AK7: variants seen among roughly 807,000 people sequenced by gnomAD.
AK7 encodes the protein ATP-AMP transphosphorylase 7.
In AK7, 78 loss-of-function variants were observed where a neutral mutation model predicts 96.6. That is an observed-to-expected ratio of 0.81 (90% confidence interval 0.67 to 0.97). The LOEUF is 0.97. AK7 is among the 50% of genes least tolerant of loss of function. The pLI, the probability that AK7 is intolerant of heterozygous loss-of-function variation, is 0.00. For missense variants in AK7, 855 were observed against 887.9 expected, an observed-to-expected ratio of 0.96 and a Z score of 0.47; for synonymous variants, 302 against 317.2, an observed-to-expected ratio of 0.95 and a Z score of 0.51.
intron 15 of AK7, among the ~76,000 whole-genome samples, chr14:96,482,558 G>T (rs888427233): frequency 6.6e-6 from 1 of 152,142 alleles, no homozygotes. Context: ...TCACTGAAAT[G>T]GTTATTTTTT....
chr14:96,445,541 T>C (rs1343213142), intron 7 of AK7, among the ~76,000 whole-genome samples: 1 of 152,082 alleles, frequency 6.6e-6, no homozygotes, highest in African/African-American at 2.4e-5. Flanking sequence ...ATGCCTGCAG[T>C]CCCAGCTACC....
intron 12 of AK7, among the ~76,000 whole-genome samples, chr14:96,467,471 G>C (rs1032832815): frequency 6.6e-6 from 1 of 152,042 alleles, no homozygotes; most frequent in Non-Finnish European, 1.5e-5. Flanking sequence ...GAGTCGCTGG[G>C]ACTACAGGCG....
At chr14:96,438,263 T>C (rs1892759814) in intron 6 of AK7, among the ~76,000 whole-genome samples, 1 of 152,144 alleles carries the variant, frequency 6.6e-6, no homozygotes, top group Non-Finnish European at 1.5e-5. Context: ...GAGAAAGAGA[T>C]AGATAATAAG....
At chr14:96,398,805 T>C (rs531642448) in intron 2 of AK7, 1 of 160,116 alleles carries the variant, frequency 6.2e-6, no homozygotes, top group African/African-American at 2.4e-5. Context: ...CCAGAAACAA[T>C]GCTGTCTCCA....
At chr14:96,485,042 T>A (rs973662436) in intron 16 of AK7, among the ~76,000 whole-genome samples, 6 of 152,176 alleles carry the variant, frequency 3.9e-5, no homozygotes, top group Non-Finnish European at 8.8e-5. Flanking sequence ...CTAGACATGG[T>A]TTGAGTTTTG....
intron 12 of AK7, among the ~76,000 whole-genome samples, chr14:96,462,519 C>G (rs1462974110): frequency 6.6e-6 from 1 of 152,160 alleles, no homozygotes; most frequent in Non-Finnish European, 1.5e-5. Context: ...TGTCCTAACT[C>G]CACTCCCATC....
rs1176427973 is a variant in AK7 at position 96,399,846 on chromosome 14, C to T, written c.294+1583C>T. On this transcript the variant is annotated intron_variant, in intron 2 of 17. Coordinates refer to ENST00000267584, the MANE Select transcript of AK7 (RefSeq NM_152327.5). This position sits in a 1 kb window ranked among gnomAD's most constrained non-coding sequence, Gnocchi z 4.1. ...CCCAGAGCTCACTCCCTTCCTACAA[C>T]AGATGACCTTCCTAAATCTTATCCA... is the stretch of plus-strand genomic sequence containing the variant. 6.6e-6 allele frequency among the ~76,000 whole-genome samples: 1 copy of T among 152,088 alleles called. No homozygotes were observed. Among genetic ancestry groups the T allele is most frequent in the Non-Finnish European group, 1.5e-5 (1 of 68,024 alleles).
chr14:96,471,332 TTA>T, intron 12 of AK7, 144 bp from the exon 13 acceptor site: 21 of 396,226 alleles, frequency 5.3e-5, no homozygotes, highest in Non-Finnish European at 7.6e-5. Flanking sequence ...CCCCGTCTCT[TTA>T]AAAAAAAAAA....
intron 16 of AK7, among the ~76,000 whole-genome samples, chr14:96,485,563 C>A (rs1895720505): frequency 6.6e-6 from 1 of 152,178 alleles, no homozygotes; most frequent in Non-Finnish European, 1.5e-5. Flanking sequence ...ACGTGCCTGG[C>A]AAGTAGTGTG....
chr14:96,428,696 C>T (rs2140061319), intron 5 of AK7, among the ~76,000 whole-genome samples: 1 of 152,292 alleles, frequency 6.6e-6, no homozygotes, highest in Non-Finnish European at 1.5e-5. Flanking sequence ...TTTTGATTTG[C>T]ATTTCTCTGA....
At chr14:96,406,336 C>T (rs1319705384) in intron 3 of AK7, among the ~76,000 whole-genome samples, 2 of 152,182 alleles carry the variant, frequency 1.3e-5, no homozygotes, top group African/African-American at 4.8e-5. Context: ...TAGGACCACC[C>T]TCTCCCCCTC....
chr14:96,414,670 C>T (rs1054333308), intron 4 of AK7, among the ~76,000 whole-genome samples: 1 of 151,646 alleles, frequency 6.6e-6, no homozygotes, highest in Non-Finnish European at 1.5e-5. Context: ...TATGTCTGGC[C>T]ACGAAGGTGG....
At chr14:96,400,660 G>A (rs983462872) in intron 2 of AK7, among the ~76,000 whole-genome samples, 2 of 152,218 alleles carry the variant, frequency 1.3e-5, no homozygotes, top group African/African-American at 4.8e-5. Flanking sequence ...CTCTGGCAAA[G>A]CAAACTTCCA....
chr14:96,453,111 G>C (rs546593331), intron 10 of AK7, among the ~76,000 whole-genome samples: 62 of 151,548 alleles, frequency 4.1e-4, no homozygotes, highest in Non-Finnish European at 8.3e-4. Context: ...GTATTCTCTT[G>C]GAAAAAAAAA....
intron 5 of AK7, among the ~76,000 whole-genome samples, chr14:96,430,622 A>T (rs1313158755): frequency 6.6e-6 from 1 of 152,160 alleles, no homozygotes; most frequent in Non-Finnish European, 1.5e-5. Flanking sequence ...CATCCCAGGG[A>T]TGAAGCCCAC....
intron 2 of AK7, among the ~76,000 whole-genome samples, chr14:96,403,114 T>TAAA (rs1890511468): frequency 2.1e-5 from 3 of 140,274 alleles, no homozygotes; most frequent in East Asian, 2.1e-4. Flanking sequence ...AGACTCTGTC[T>TAAA]TAAATAAATA....
chr14:96,399,301 T>C lies in AK7; in HGVS notation c.294+1038T>C, dbSNP rs1223032587. On this transcript the variant is annotated intron_variant, in intron 2 of 17. Transcript: ENST00000267584. This position sits in a 1 kb window ranked among gnomAD's most constrained non-coding sequence, Gnocchi z 4.1. ...AACACTTGTGGAATGGACGAATGCA[T>C]CCCCTCCAGACATCTTTGGGACCTT... The C allele has an allele frequency of 6.6e-6, 1 of 152,236 alleles. No individual in the cohort carries two copies. The highest frequency in any genetic ancestry group is 2.4e-5 in the African/African-American group (1 of 41,430). 9.4% of individuals were successfully genotyped at this position (152,236 alleles called of 1,614,324 possible).
chr14:96,465,493 T>A (rs941917159), intron 12 of AK7, among the ~76,000 whole-genome samples: 5 of 151,920 alleles, frequency 3.3e-5, no homozygotes, highest in Admixed American at 2.6e-4. Flanking sequence ...ATACATTAAT[T>A]CTGGAATTCC....
intron 5 of AK7, 90 bp from the exon 6 acceptor site, chr14:96,437,745 A>G (rs917494482): frequency 8.7e-6 from 8 of 923,868 alleles, no homozygotes; most frequent in Middle Eastern, 4.7e-4. Context: ...GGAAGTTCTG[A>G]AAGTGCTCAT....
Sources: allele counts gnomAD v4.1 joint callset (sites outside exome capture counted in the v4.1 genomes callset), GRCh38; gene constraint gnomAD v4.1.1; non-coding constraint Gnocchi (gnomAD v3.1); transcripts MANE v1.5; gene names NCBI Gene and HGNC (gene_info 2026-07-23, HGNC 2026-07-21).